The following GUCY2C variants were observed in gnomAD, a reference collection of about 807,000 sequenced individuals.
The protein encoded by GUCY2C is guanylate cyclase 2C.
A neutral mutation model predicts 131.1 loss-of-function variants in GUCY2C; 118 were observed. That is an observed-to-expected ratio of 0.90 (90% confidence interval 0.78 to 1.05). GUCY2C has a LOEUF of 1.05. Among genes scored for constraint, GUCY2C ranks in the 50% least tolerant of loss-of-function variants. The pLI is 0.00. For synonymous variants in GUCY2C, 452 were observed against 457.8 expected (o/e 0.99, Z 0.16); for missense variants, 1,161 against 1,304.4 (o/e 0.89, Z 1.69).
At chr12:14,662,008 GA>G (rs1258330593) in intron 10 of GUCY2C, among the ~76,000 whole-genome samples, 1 of 152,052 alleles carries the variant, frequency 6.6e-6, no homozygotes, top group East Asian at 1.9e-4. Context: ...GTATACAAAG[GA>G]ATACTCCTAC....
intron 17 of GUCY2C, among the ~76,000 whole-genome samples, chr12:14,642,473 T>C (rs1947429139): frequency 6.6e-6 from 1 of 152,238 alleles, no homozygotes; most frequent in South Asian, 2.1e-4. Context: ...ATGTTTATGA[T>C]GATGCACACT....
At chr12:14,620,084 T>A (rs529077178) in intron 23 of GUCY2C, among the ~76,000 whole-genome samples, 1 of 152,204 alleles carries the variant, frequency 6.6e-6, no homozygotes, top group Admixed American at 6.5e-5. Context: ...CTTACAGGTG[T>A]TTTTTCTATA....
chr12:14,630,726 T>A (rs1375532336), intron 19 of GUCY2C, among the ~76,000 whole-genome samples: 1 of 152,202 alleles, frequency 6.6e-6, no homozygotes, highest in Non-Finnish European at 1.5e-5. Flanking sequence ...GAGAGACGAC[T>A]CTACTGGGTG....
intron 16 of GUCY2C, among the ~76,000 whole-genome samples, chr12:14,644,534 A>G (rs1947475224): frequency 6.6e-6 from 1 of 152,148 alleles, no homozygotes; most frequent in Non-Finnish European, 1.5e-5. Flanking sequence ...CTGAACCCAT[A>G]TAACTTTCAG....
chr12:14,613,765 G>A lies in GUCY2C; in HGVS notation c.3048-474C>T, dbSNP rs1946698492. On this transcript the variant is annotated intron_variant, in intron 26 of 26. Coordinates refer to ENST00000261170, the MANE Select transcript of GUCY2C (RefSeq NM_004963.4). The surrounding 1 kb of genome is among the most constrained non-coding windows in gnomAD (Gnocchi z 4.9). The stretch of plus-strand genomic sequence containing the variant: ...GTTTCTCATGCCCCAGGGAAGATTT[G>A]GGTTGTTTTGGCTTTTCTAGAAGGT... 6.6e-6 allele frequency among the ~76,000 whole-genome samples: 1 copy of A among 152,056 alleles called. No homozygotes were observed. The highest frequency in any genetic ancestry group is 1.5e-5 in the Non-Finnish European group (1 of 67,994).
intron 11 of GUCY2C, among the ~76,000 whole-genome samples, chr12:14,660,604 CTA>C (rs1278080406): frequency 6.6e-6 from 1 of 152,126 alleles, no homozygotes; most frequent in African/African-American, 2.4e-5. Flanking sequence ...ATAAAAATAA[CTA>C]TTTTATCTAT....
chr12:14,667,020 G>T (rs986091822), intron 10 of GUCY2C, among the ~76,000 whole-genome samples: 21 of 151,992 alleles, frequency 1.4e-4, no homozygotes, highest in Admixed American at 1.4e-3. Flanking sequence ...TTACACTGTT[G>T]GTGGGACTGT....
chr12:14,622,356 T>G (rs1478566956), intron 21 of GUCY2C, among the ~76,000 whole-genome samples, 159 bp from the exon 22 acceptor site: 3 of 152,218 alleles, frequency 2.0e-5, no homozygotes, highest in African/African-American at 7.2e-5. Flanking sequence ...GTATATCATA[T>G]ACATGAACAT....
At position 14,628,711 on chromosome 12, in the gene GUCY2C, C is replaced by A; in HGVS notation, c.2184G>T (p.Trp728Cys). Residue 728 changes from tryptophan (W) to cysteine (C), a missense_variant, in exon 20 of 27, where the codon TGG (tryptophan) becomes TGT (cysteine). Coordinates refer to ENST00000261170, the MANE Select transcript of GUCY2C (RefSeq NM_004963.4). ...LEVYLLVKNC[W>C]EEDPEKRPDF... ...CTGGTCTCTTTTCTGGATCTTCCTC[C>A]CAACAGTTTTTTACAAGTAGGTACA... is the stretch of plus-strand genomic sequence containing the variant. 6.3e-7 allele frequency: 1 copy of A among 1,599,016 alleles called. No individual in the cohort carries two copies. The highest frequency in any genetic ancestry group is 1.1e-5 in the South Asian group (1 of 90,668).
At chr12:14,692,405 T>C (rs1948591204) in intron 1 of GUCY2C, among the ~76,000 whole-genome samples, 1 of 152,092 alleles carries the variant, frequency 6.6e-6, no homozygotes, top group South Asian at 2.1e-4. Context: ...ATAAAAATAT[T>C]ATTTATGCTA....
chr12:14,678,546 G>A (rs1948285843), intron 6 of GUCY2C, among the ~76,000 whole-genome samples: 1 of 152,188 alleles, frequency 6.6e-6, no homozygotes, highest in Non-Finnish European at 1.5e-5. Context: ...TACTTCTGTA[G>A]TTTAGAGTCT....
intron 1 of GUCY2C, among the ~76,000 whole-genome samples, chr12:14,695,722 A>T (rs1216182013): frequency 2.0e-5 from 3 of 152,034 alleles, no homozygotes; most frequent in Non-Finnish European, 1.5e-5. Flanking sequence ...CTTCTTGATT[A>T]GTATCCCTGT....
At chr12:14,688,916 G>T (rs922404236) in intron 1 of GUCY2C, among the ~76,000 whole-genome samples, 1 of 152,198 alleles carries the variant, frequency 6.6e-6, no homozygotes, top group African/African-American at 2.4e-5. Flanking sequence ...AGGTAGTATG[G>T]GTGAGATGTG....
At chr12:14,653,620 A>C (rs1241725102) in intron 12 of GUCY2C, among the ~76,000 whole-genome samples, 1 of 152,262 alleles carries the variant, frequency 6.6e-6, no homozygotes, top group Non-Finnish European at 1.5e-5. Flanking sequence ...TCACAACTGC[A>C]GGCCACATAT....
intron 2 of GUCY2C, among the ~76,000 whole-genome samples, 183 bp from the exon 3 acceptor site, chr12:14,686,408 G>C (rs560482351): frequency 6.6e-6 from 1 of 152,158 alleles, no homozygotes; most frequent in Non-Finnish European, 1.5e-5. Context: ...GGAGAGGTTC[G>C]AGAGGGAAAA....
Position 14,639,944 on chromosome 12 carries a change from A to G in GUCY2C, c.2075T>C (p.Ile692Thr). Residue 692 changes from isoleucine (I) to threonine (T), a missense_variant, in exon 19 of 27, where the codon ATT becomes ACT. Ile to Thr is a moderately conservative substitution (Grantham distance 89). Transcript: ENST00000261170. The stretch of plus-strand genomic sequence containing the variant: ...TCCATTGGAATTTTCCACTCTGAAA[A>G]TCTTCTCTGGTTGGGTGAGAAAAAT... Reference protein sequence around the residue: ...TLSCRDRNEKIFRVENSNGMK... With the variant: ...TLSCRDRNEKTFRVENSNGMK... The G allele has an allele frequency of 6.3e-7, 1 of 1,597,958 alleles. No individual in the cohort carries two copies. Among genetic ancestry groups the G allele is most frequent in the African/African-American group, 1.3e-5 (1 of 74,714 alleles).
intron 11 of GUCY2C, among the ~76,000 whole-genome samples, chr12:14,657,565 A>T (rs753256385): frequency 6.6e-6 from 1 of 152,144 alleles, no homozygotes; most frequent in Non-Finnish European, 1.5e-5. Context: ...GCACAGCAGG[A>T]GGTGAGAGGT....
chr12:14,652,410 A>G (rs535813888), intron 13 of GUCY2C, among the ~76,000 whole-genome samples: 3 of 152,056 alleles, frequency 2.0e-5, no homozygotes, highest in Non-Finnish European at 4.4e-5. Context: ...TCTGGCCTCA[A>G]ATGATCCACC....
At chr12:14,638,784 G>A (rs1947332324) in intron 19 of GUCY2C, among the ~76,000 whole-genome samples, 1 of 152,102 alleles carries the variant, frequency 6.6e-6, no homozygotes, top group African/African-American at 2.4e-5. Context: ...AAGTTATAAT[G>A]TTTGATAGCA....
Sources: gnomAD v4.1 joint callset for allele counts (sites outside exome capture counted in the v4.1 genomes callset) on GRCh38, gnomAD v4.1.1 for gene constraint, Gnocchi (gnomAD v3.1) non-coding constraint, MANE v1.5 for transcripts, NCBI Gene and HGNC (gene_info 2026-07-23, HGNC 2026-07-21) for gene names.